The following PTPRD variants were observed in gnomAD, a reference collection of about 807,000 sequenced individuals.
PTPRD encodes the protein protein tyrosine phosphatase receptor type D, also known as receptor-type tyrosine-protein phosphatase delta.
Under a neutral mutation model 214.5 loss-of-function variants are expected in PTPRD, and 34 were observed. That is an observed-to-expected ratio of 0.16 (90% confidence interval 0.12 to 0.21). The LOEUF is 0.21. Among genes scored for constraint, PTPRD ranks in the 10% least tolerant of loss-of-function variants. The probability of loss-of-function intolerance (pLI) is 1.00; values close to 1 mark genes in which losing one functional copy is unlikely to be tolerated. For missense variants in PTPRD, 2,545 were observed against 2,398.7 expected (o/e 1.06, Z -1.27); for synonymous variants, 1,128 against 845.7 (o/e 1.33, Z -5.79).
At chr9:8,734,188 A>C (rs552417979) in intron 11 of PTPRD, among the ~76,000 whole-genome samples, 2 of 152,312 alleles carry the variant, frequency 1.3e-5, no homozygotes, top group Admixed American at 1.3e-4. Context: ...TCCCAATTTT[A>C]GGCTCTCCTA....
At chr9:10,543,031 G>A (rs111578544) in intron 2 of PTPRD, among the ~76,000 whole-genome samples, 190 of 152,020 alleles carry the variant, frequency 1.2e-3, no homozygotes, top group African/African-American at 4.4e-3. Flanking sequence ...GATTACAGGC[G>A]TAATCTACCT....
At chr9:10,379,772 CAT>C (rs1263330350) in intron 2 of PTPRD, among the ~76,000 whole-genome samples, 3 of 151,914 alleles carry the variant, frequency 2.0e-5, no homozygotes, top group Admixed American at 6.6e-5. Flanking sequence ...ATTAGAGAAA[CAT>C]AATGTAGTTT....
intron 2 of PTPRD, among the ~76,000 whole-genome samples, chr9:10,476,668 C>T (rs891309039): frequency 6.6e-6 from 1 of 152,074 alleles, no homozygotes; most frequent in African/African-American, 2.4e-5. Flanking sequence ...CAAAAAATAG[C>T]CCATATAGCC....
intron 14 of PTPRD, among the ~76,000 whole-genome samples, chr9:8,632,046 G>A (rs1249433008): frequency 6.6e-6 from 1 of 151,614 alleles, no homozygotes; most frequent in African/African-American, 2.4e-5. Context: ...TTAATAAGGT[G>A]TTTATACTAT....
rs149867169 is a variant in PTPRD at position 9,058,381 on chromosome 9, G to A, written c.-142-39646C>T. ...CTGGACTGGCTAAATCCCCTGAAGA[G>A]CTGGCTTAGAAGATAAATTCTATGT... On this transcript the variant is annotated intron_variant, in intron 10 of 45. Transcript: ENST00000381196. 2.7e-5 allele frequency among the ~76,000 whole-genome samples: 4 copies of A among 150,160 alleles called. No individual in the cohort carries two copies. In the East Asian group the frequency reaches 7.9e-4, roughly 30 times the overall value.
intron 3 of PTPRD, among the ~76,000 whole-genome samples, chr9:10,277,255 AAC>A (rs1477546346): frequency 2.0e-5 from 3 of 152,212 alleles, no homozygotes; most frequent in Non-Finnish European, 4.4e-5. Context: ...ATAAAAAAAA[AAC>A]AACAAACCCT....
chr9:9,447,483 G>C (rs1366818580), intron 8 of PTPRD, among the ~76,000 whole-genome samples: 1 of 152,080 alleles, frequency 6.6e-6, no homozygotes, highest in Non-Finnish European at 1.5e-5. Flanking sequence ...TGGACACAAA[G>C]AGGGGAACAA....
intron 3 of PTPRD, among the ~76,000 whole-genome samples, chr9:10,102,124 T>G (rs1431224305): frequency 6.6e-6 from 1 of 151,724 alleles, no homozygotes; most frequent in Non-Finnish European, 1.5e-5. Flanking sequence ...TTTGAGAGCT[T>G]TTATAAATCG....
rs998774568 is a variant in PTPRD, at chr9:10,531,212, A to G, written c.-600+81186T>C. Among the ~76,000 whole-genome samples, 6 of 152,006 alleles carry G rather than the reference A, an allele frequency of 3.9e-5. No homozygotes were observed. In the South Asian group the frequency reaches 1.0e-3, roughly 26 times the overall value. On this transcript the variant is annotated intron_variant, in intron 2 of 45. Coordinates refer to ENST00000381196, the MANE Select transcript of PTPRD (RefSeq NM_002839.4). ...TGATCCGCCCTCCTCAGTCTCCCAA[A>G]TGGCTGGGATTGCAGGCATGAGCCA...
chr9:8,946,023 T>C (rs72706299), intron 11 of PTPRD, among the ~76,000 whole-genome samples: 43,080 of 152,066 alleles, frequency 0.28, 6,863 homozygotes, highest in Non-Finnish European at 0.36. Flanking sequence ...GTTACTCTTG[T>C]AGAAAGAGCA....
intron 11 of PTPRD, among the ~76,000 whole-genome samples, chr9:8,740,470 C>T (rs7031558): frequency 1.3e-5 from 2 of 152,090 alleles, no homozygotes; most frequent in African/African-American, 4.8e-5. Context: ...GAAACACATT[C>T]TTAAATGTAT....
intron 12 of PTPRD, among the ~76,000 whole-genome samples, chr9:8,676,034 A>G (rs551446354): frequency 2.0e-5 from 3 of 152,328 alleles, no homozygotes; most frequent in African/African-American, 4.8e-5. Flanking sequence ...ATTTTGACCA[A>G]TAGTGAGTGC....
chr9:10,467,903 C>A (rs944437106), intron 2 of PTPRD, among the ~76,000 whole-genome samples: 6 of 152,020 alleles, frequency 3.9e-5, no homozygotes, highest in Non-Finnish European at 2.9e-5. Flanking sequence ...AAAAAAAAAT[C>A]TCATCATCAT....
intron 11 of PTPRD, among the ~76,000 whole-genome samples, chr9:8,940,599 A>G (rs907737117): frequency 6.6e-6 from 1 of 151,418 alleles, no homozygotes; most frequent in Non-Finnish European, 1.5e-5. Context: ...CAGCCTGCAC[A>G]TCTCTTAAAA....
intron 7 of PTPRD, among the ~76,000 whole-genome samples, chr9:9,630,470 G>A (rs1209757775): frequency 6.6e-6 from 1 of 152,178 alleles, no homozygotes; most frequent in Non-Finnish European, 1.5e-5. Flanking sequence ...CTAGCCTGAA[G>A]TGACGGAAGG....
intron 7 of PTPRD, among the ~76,000 whole-genome samples, chr9:9,718,046 G>A (rs1022221972): frequency 2.0e-5 from 3 of 152,156 alleles, no homozygotes; most frequent in Non-Finnish European, 2.9e-5. Flanking sequence ...AGGCATTGCT[G>A]TTAAACGATG....
chr9:9,904,732 A>T (rs376145632), intron 5 of PTPRD, among the ~76,000 whole-genome samples: 181 of 152,222 alleles, frequency 1.2e-3, no homozygotes, highest in African/African-American at 4.2e-3. Flanking sequence ...AAGCTTAAAC[A>T]TCTTTTTAAT....
chr9:9,134,682 T>C (rs1569550668), intron 10 of PTPRD, among the ~76,000 whole-genome samples: 2 of 152,212 alleles, frequency 1.3e-5, no homozygotes, highest in South Asian at 2.1e-4. Flanking sequence ...CTGCTTCCTC[T>C]GGCTATTTTG....
intron 7 of PTPRD, among the ~76,000 whole-genome samples, chr9:9,686,153 T>C (rs1190714747): frequency 2.0e-5 from 3 of 151,028 alleles, no homozygotes; most frequent in African/African-American, 7.3e-5. Flanking sequence ...GTTGAAATAA[T>C]TTTTTTTAAT....
Sources: gnomAD v4.1 joint callset for allele counts (sites outside exome capture counted in the v4.1 genomes callset) on GRCh38, gnomAD v4.1.1 for gene constraint, MANE v1.5 for transcripts, NCBI Gene and HGNC (gene_info 2026-07-23, HGNC 2026-07-21) for gene names.